SEC31B: variants seen among roughly 807,000 people sequenced by gnomAD.
SEC31B encodes the protein protein transport protein Sec31B.
A neutral mutation model predicts 135.0 loss-of-function variants in SEC31B; 113 were observed. The ratio of observed to expected loss-of-function variants is 0.84; its 90% CI spans 0.72 to 0.98. SEC31B has a LOEUF of 0.98. Among genes scored for constraint, SEC31B ranks in the 50% least tolerant of loss-of-function variants. SEC31B has a pLI of 0.00. For synonymous variants in SEC31B, 508 were observed against 549.4 expected (o/e 0.92, Z 1.05); for missense variants, 1,296 against 1,421.1 (o/e 0.91, Z 1.42).
intron 4 of SEC31B, 74 bp downstream of exon 4, chr10:100,509,242 G>T: frequency 6.6e-7 from 1 of 1,520,358 alleles, no homozygotes; most frequent in Admixed American, 1.7e-5. Context: ...CAGACTGGAG[G>T]CCACAAATGA....
Position 100,498,038 on chromosome 10 carries a change from T to C in SEC31B, c.1854A>G (p.Lys618=), listed in dbSNP as rs1851446462. The change falls in exon 15 of 26, where the codon AAA becomes AAG. Residue 618 remains lysine, a synonymous_variant. Coordinates refer to ENST00000370345, the MANE Select transcript of SEC31B (RefSeq NM_015490.4). Reference sequence around the variant, plus strand: ...CATGATGGGCAGTTACCGAGGAGATTTTGGTTTTCTTCTTGGCCAAGTAGC... The same window carrying C: ...CATGATGGGCAGTTACCGAGGAGATCTTGGTTTTCTTCTTGGCCAAGTAGC... ...QERYLAKKKT[K]ISSLLACVVQ... is the part of the protein sequence containing the mutation. The C allele has an allele frequency of 6.2e-7, 1 of 1,614,082 alleles. No homozygotes were observed. Among genetic ancestry groups the C allele is most frequent in the African/African-American group, 1.3e-5 (1 of 75,008 alleles).
intron 5 of SEC31B, chr10:100,508,561 G>A: frequency 2.2e-6 from 1 of 461,924 alleles, no homozygotes; most frequent in South Asian, 1.6e-5. Context: ...CAGAAGACCA[G>A]ACCCCCAACT....
rs1444780486 is a variant in SEC31B, at chr10:100,490,342, G to A, written c.2651-20C>T. ...ATGAAGCTGAAGCAGAACAGAAATAGGTCATTTGTCACTAAACTTCATTTC... is the reference window on the plus strand; with the variant it reads ...ATGAAGCTGAAGCAGAACAGAAATAAGTCATTTGTCACTAAACTTCATTTC... On this transcript the variant is annotated intron_variant, in intron 20 of 25. Coordinates refer to ENST00000370345, the MANE Select transcript of SEC31B (RefSeq NM_015490.4). 1 of 1,600,676 alleles carries A rather than the reference G, an allele frequency of 6.2e-7. No individual in the cohort carries two copies. The highest frequency in any genetic ancestry group is 1.3e-5 in the African/African-American group (1 of 74,406).
rs200095889 is a variant in SEC31B at position 100,498,159 on chromosome 10, G to A, written c.1733C>T (p.Pro578Leu). 26 of 1,614,022 alleles carry A rather than the reference G, an allele frequency of 1.6e-5. No homozygotes were observed. Among genetic ancestry groups the A allele is most frequent in the East Asian group, 2.2e-5 (1 of 44,888 alleles). Residue 578 changes from proline to leucine, a missense_variant, in exon 15 of 26, where the codon CCG (proline) becomes CTG (leucine). Coordinates refer to ENST00000370345, the MANE Select transcript of SEC31B (RefSeq NM_015490.4). ...SQALLLGELGPAVELCLKEER... is the reference protein window; with the variant it reads ...SQALLLGELGLAVELCLKEER... Reference sequence around the variant, plus strand: ...CTCCTTCAGACACAGCTCCACGGCCGGACCCAGTTCCCCAAGCAGGAGAGC... The same window carrying A: ...CTCCTTCAGACACAGCTCCACGGCCAGACCCAGTTCCCCAAGCAGGAGAGC...
At position 100,487,457 on chromosome 10, in the gene SEC31B, C is replaced by A; in HGVS notation, c.*159G>T. On this transcript the variant is annotated 3_prime_UTR_variant, in exon 26 of 26. Coordinates refer to ENST00000370345, the MANE Select transcript of SEC31B (RefSeq NM_015490.4). ...CAGACATAAAGGAGTAAAAAGCAGG[C>A]ACTCAGCTGGTTTGGAGCCAAGCCT... is the stretch of plus-strand genomic sequence containing the variant. 1.5e-6 allele frequency: 1 copy of A among 671,488 alleles called. No individual in the cohort carries two copies. The highest frequency in any genetic ancestry group is 2.5e-6 in the Non-Finnish European group (1 of 398,970). The allele number at this position is 671,488 out of a possible 1,614,324, so 41.6% of individuals were successfully genotyped here. A position where few individuals can be genotyped will look rare whatever the true frequency, so the allele number is the denominator to read the frequency against.
chr10:100,494,559 T>C (rs924355662), intron 19 of SEC31B, among the ~76,000 whole-genome samples: 2 of 152,206 alleles, frequency 1.3e-5, no homozygotes, highest in Non-Finnish European at 2.9e-5. Context: ...AATTAAATAA[T>C]AGTAATTCTC....
intron 11 of SEC31B, chr10:100,501,687 C>G (rs1169708347): frequency 6.6e-6 from 1 of 152,478 alleles, no homozygotes; most frequent in Non-Finnish European, 1.5e-5. Context: ...TTGCTCATTT[C>G]CTTTGATAGG....
Position 100,516,209 on chromosome 10 carries a change from G to A in SEC31B, c.90C>T (p.Ala30=), listed in dbSNP as rs1270271968. Residue 30 remains alanine (A), a synonymous_variant, in exon 3 of 26, where the codon GCC becomes GCT. Coordinates refer to ENST00000370345, the MANE Select transcript of SEC31B (RefSeq NM_015490.4). ...TGCTGAAGGAGGAATCTAGCTGTTG[G>A]GCAGATGTTCCTAGGCACAAGAAAA... ...YPLYLATGTS[A]QQLDSSFSTN... 6.2e-7 allele frequency: 1 copy of A among 1,613,450 alleles called. No individual in the cohort carries two copies. The highest frequency in any genetic ancestry group is 1.3e-5 in the African/African-American group (1 of 74,870).
At chr10:100,498,445 A>G in intron 14 of SEC31B, 1 of 605,450 alleles carries the variant, frequency 1.7e-6, no homozygotes, top group Admixed American at 3.0e-5. Context: ...GGTGTGCTTG[A>G]TCACAGTGGG....
At chr10:100,495,877 T>A (rs1200528813) in intron 18 of SEC31B, among the ~76,000 whole-genome samples, 1 of 152,048 alleles carries the variant, frequency 6.6e-6, no homozygotes, top group Non-Finnish European at 1.5e-5. Context: ...TGACTCAAGG[T>A]TCCTGAATCC....
intron 25 of SEC31B, 72 bp downstream of exon 25, chr10:100,487,955 C>T (rs972554774): frequency 7.0e-5 from 109 of 1,551,816 alleles, no homozygotes; most frequent in Non-Finnish European, 9.3e-5. Flanking sequence ...GAAGAAAAGA[C>T]ACTGGGCTTC....
intron 4 of SEC31B, 59 bp downstream of exon 4, chr10:100,509,257 T>C (rs964564250): frequency 1.3e-6 from 2 of 1,551,258 alleles, no homozygotes; most frequent in African/African-American, 2.7e-5. Context: ...AAATGAATGC[T>C]TCCACTCAGA....
Position 100,487,618 on chromosome 10 carries a change from A to G in SEC31B, c.3538T>C (p.Ter1180GlnextTer45). The change falls in exon 26 of 26, where the codon TAA becomes CAA. Residue 1180 changes from the stop codon to glutamine, a stop_lost. Coordinates refer to ENST00000370345, the MANE Select transcript of SEC31B (RefSeq NM_015490.4). ...VLIIAHKLLV[*>Q] ...CCTAGCAAGAGAGGCTGCCTGGTTT[A>G]GACCAGCAGCTTATGAGCGATGATG... The G allele has an allele frequency of 6.2e-7, 1 of 1,612,142 alleles. No homozygotes were observed. Among genetic ancestry groups the G allele is most frequent in the Admixed American group, 1.7e-5 (1 of 59,838 alleles).
At chr10:100,506,495 T>C (rs1851635244) in intron 7 of SEC31B, 75 bp from the exon 8 acceptor site, 3 of 1,272,754 alleles carry the variant, frequency 2.4e-6, no homozygotes, top group Non-Finnish European at 3.4e-6. Flanking sequence ...ATGTCTTTTA[T>C]ACATTTTATA....
chr10:100,501,406 C>T (rs1405600719), intron 11 of SEC31B, among the ~76,000 whole-genome samples: 1 of 152,162 alleles, frequency 6.6e-6, no homozygotes, highest in Non-Finnish European at 1.5e-5. Context: ...CTGCTTATGA[C>T]AAAAGCATCA....
chr10:100,515,439 T>G (rs1851813033), intron 3 of SEC31B, among the ~76,000 whole-genome samples: 1 of 152,210 alleles, frequency 6.6e-6, no homozygotes, highest in Non-Finnish European at 1.5e-5. Context: ...TACAAGACCT[T>G]TAGAAGAAGG....
chr10:100,511,135 A>G (rs1005441517), intron 3 of SEC31B, among the ~76,000 whole-genome samples: 10 of 152,238 alleles, frequency 6.6e-5, no homozygotes, highest in Admixed American at 3.3e-4. Context: ...GAGGGCAGTT[A>G]CTTCAGAGTG....
At chr10:100,508,900 G>T in intron 5 of SEC31B, 107 bp downstream of exon 5, 4 of 835,944 alleles carry the variant, frequency 4.8e-6, no homozygotes, top group Non-Finnish European at 7.8e-6. Flanking sequence ...GCCCTCCAGT[G>T]GTAAAGTTTG....
At chr10:100,489,421 A>G in intron 22 of SEC31B, 23 bp from the exon 23 acceptor site, 1 of 1,612,508 alleles carries the variant, frequency 6.2e-7, no homozygotes, top group Non-Finnish European at 8.5e-7. Flanking sequence ...AAGGAAAGAC[A>G]TGAGTCTAAC....
Sources: allele counts gnomAD v4.1 joint callset (sites outside exome capture counted in the v4.1 genomes callset), GRCh38; gene constraint gnomAD v4.1.1; transcripts MANE v1.5; gene names NCBI Gene and HGNC (gene_info 2026-07-23, HGNC 2026-07-21).